Variants in EBF1 observed in about 807,000 individuals in gnomAD.
EBF1 encodes the protein transcription factor COE1.
A neutral mutation model predicts 68.4 loss-of-function variants in EBF1; 10 were observed. The observed-to-expected ratio is 0.15, with a 90% CI of 0.09 to 0.25. The LOEUF is 0.25. Ranked by LOEUF, EBF1 falls within the 10% of genes least tolerant of loss-of-function variation. EBF1 has a pLI of 1.00. For missense variants in EBF1, 509 were observed against 794.4 expected, an observed-to-expected ratio of 0.64 and a Z score of 4.32; for synonymous variants, 298 against 299.8, an observed-to-expected ratio of 0.99 and a Z score of 0.06.
At chr5:158,819,356 A>G (rs910304310) in intron 8 of EBF1, among the ~76,000 whole-genome samples, 2 of 152,246 alleles carry the variant, frequency 1.3e-5, no homozygotes, top group Admixed American at 1.3e-4. Context: ...GCCTTGTTGC[A>G]TATTAGATCA....
intron 6 of EBF1, among the ~76,000 whole-genome samples, chr5:159,055,651 A>T (rs1774605459): frequency 6.6e-6 from 1 of 152,222 alleles, no homozygotes; most frequent in Admixed American, 6.5e-5. Flanking sequence ...ATTAACCTAC[A>T]CTAAATCTGA....
intron 10 of EBF1, among the ~76,000 whole-genome samples, chr5:158,767,612 G>T (rs1773007555): frequency 1.3e-5 from 2 of 151,734 alleles, no homozygotes; most frequent in South Asian, 2.1e-4. Flanking sequence ...ATTCTCAGGG[G>T]TGGCACCAGG....
chr5:159,098,621 G>A (rs1277578336), intron 1 of EBF1, among the ~76,000 whole-genome samples: 2 of 151,232 alleles, frequency 1.3e-5, no homozygotes, highest in African/African-American at 2.4e-5. Flanking sequence ...AGGGAGGAAG[G>A]AAAAGAGTGA....
intron 6 of EBF1, among the ~76,000 whole-genome samples, chr5:159,072,100 T>TA (rs1777897699): frequency 6.6e-6 from 1 of 152,224 alleles, no homozygotes; most frequent in Non-Finnish European, 1.5e-5. Context: ...AGCACACACA[T>TA]CACCATATGT....
intron 9 of EBF1, among the ~76,000 whole-genome samples, chr5:158,789,987 T>C (rs1303569760): frequency 6.6e-6 from 1 of 152,206 alleles, no homozygotes; most frequent in Non-Finnish European, 1.5e-5. Context: ...AGTGGCAAAA[T>C]TGCTTCTGAG....
chr5:158,749,727 G>A (rs529495805), intron 10 of EBF1, among the ~76,000 whole-genome samples: 17 of 152,234 alleles, frequency 1.1e-4, no homozygotes, highest in Non-Finnish European at 2.2e-4. Context: ...TAATAGCAGT[G>A]ATGAGTTTCT....
At chr5:158,715,253 T>G (rs912320933) in intron 11 of EBF1, among the ~76,000 whole-genome samples, 2 of 152,214 alleles carry the variant, frequency 1.3e-5, no homozygotes. Flanking sequence ...TAACTTTAAA[T>G]ATTTTACACA....
intron 8 of EBF1, among the ~76,000 whole-genome samples, chr5:158,799,060 T>C (rs757645116): frequency 2.0e-5 from 3 of 152,064 alleles, no homozygotes; most frequent in Non-Finnish European, 4.4e-5. Flanking sequence ...ACTGACAAAT[T>C]TCAAAAATAT....
intron 12 of EBF1, 79 bp from the exon 13 acceptor site, chr5:158,713,226 C>A: frequency 1.6e-6 from 2 of 1,241,638 alleles, no homozygotes; most frequent in East Asian, 6.1e-5. Flanking sequence ...TGCCAGGTAC[C>A]GTGCTCAGGG....
intron 6 of EBF1, chr5:158,983,723 C>T (rs1758368398): frequency 6.6e-6 from 1 of 152,130 alleles, no homozygotes; most frequent in African/African-American, 2.4e-5. Flanking sequence ...AAAATGAATG[C>T]TACCACATGG....
At chr5:158,837,156 T>C (rs1788987824) in intron 7 of EBF1, among the ~76,000 whole-genome samples, 1 of 152,196 alleles carries the variant, frequency 6.6e-6, no homozygotes, top group Admixed American at 6.5e-5. Flanking sequence ...CATTTGATAA[T>C]GTCTGCAGAC....
intron 6 of EBF1, among the ~76,000 whole-genome samples, chr5:159,021,379 G>A (rs1241166214): frequency 2.0e-5 from 3 of 152,150 alleles, no homozygotes; most frequent in Non-Finnish European, 4.4e-5. Context: ...TCTTAAAAAC[G>A]TGGTTTCCAA....
chr5:158,837,144 G>A (rs531994610), intron 7 of EBF1, among the ~76,000 whole-genome samples: 2 of 152,146 alleles, frequency 1.3e-5, no homozygotes, highest in African/African-American at 4.8e-5. Context: ...TCCACCAGGG[G>A]ACATTTGATA....
chr5:158,995,790 C>G (rs550354754), intron 6 of EBF1, among the ~76,000 whole-genome samples: 2 of 152,344 alleles, frequency 1.3e-5, no homozygotes, highest in South Asian at 4.1e-4. Flanking sequence ...TCACAGTGCA[C>G]TCTGTGCTAC....
intron 7 of EBF1, among the ~76,000 whole-genome samples, chr5:158,832,255 A>G (rs1455749202): frequency 3.3e-5 from 5 of 152,258 alleles, no homozygotes; most frequent in East Asian, 3.8e-4. Flanking sequence ...GCGACCACTC[A>G]TCAAATGCTG....
chr5:158,979,716 AC>A (rs1352996857), intron 6 of EBF1, among the ~76,000 whole-genome samples: 1 of 152,058 alleles, frequency 6.6e-6, no homozygotes, highest in African/African-American at 2.4e-5. Flanking sequence ...GGGAAATTCA[AC>A]TTTTTTTTTC....
chr5:159,017,755 G>A (rs1056351824), intron 6 of EBF1, among the ~76,000 whole-genome samples: 5 of 152,142 alleles, frequency 3.3e-5, no homozygotes, highest in East Asian at 3.8e-4. Context: ...AGGAAAAGAC[G>A]GAAATCAGCC....
chr5:158,889,325 G>T (rs1294269105), intron 6 of EBF1, among the ~76,000 whole-genome samples: 1 of 152,156 alleles, frequency 6.6e-6, no homozygotes, highest in Non-Finnish European at 1.5e-5. Flanking sequence ...GGAAAATTCT[G>T]CTGAGGACAG....
chr5:158,985,131 T>C (rs1222501594), intron 6 of EBF1, among the ~76,000 whole-genome samples: 1 of 152,216 alleles, frequency 6.6e-6, no homozygotes, highest in African/African-American at 2.4e-5. Context: ...CATTTGTTTT[T>C]TAAAACAGTA....
Sources: allele counts gnomAD v4.1 joint callset (sites outside exome capture counted in the v4.1 genomes callset), GRCh38; gene constraint gnomAD v4.1.1; transcripts MANE v1.5; gene names NCBI Gene and HGNC (gene_info 2026-07-23, HGNC 2026-07-21).